Variants in ITPKC observed in about 807,000 individuals in gnomAD.
ITPKC encodes IP3 3-kinase C.
ITPKC carries 33 observed loss-of-function variants against 67.1 expected under a neutral mutation model. The observed-to-expected ratio is 0.49, with a 90% CI of 0.37 to 0.66. The LOEUF (loss-of-function observed/expected upper bound fraction) is 0.66. Ranked by LOEUF, ITPKC falls within the 30% of genes least tolerant of loss-of-function variation. The pLI, the probability that ITPKC is intolerant of heterozygous loss-of-function variation, is 0.00. For missense variants in ITPKC, 820 were observed against 892.1 expected, an observed-to-expected ratio of 0.92 and a Z score of 1.03; for synonymous variants, 341 against 359.8, an observed-to-expected ratio of 0.95 and a Z score of 0.59.
At position 40,717,150 on chromosome 19, in the gene ITPKC, G is replaced by C; in HGVS notation, c.15G>C (p.Pro5=). MRRC[P]CRGSLNEAEA... ...AAGGAGCGGGCATGAGGCGCTGCCC[G>C]TGCCGTGGGAGCCTGAACGAGGCGG... The change falls in exon 1 of 7, where the codon CCG becomes CCC. Residue 5 remains proline (P), a synonymous_variant. Transcript: ENST00000263370. The C allele has an allele frequency of 8.2e-7, 1 of 1,226,970 alleles. No homozygotes were observed. The allele number at this position is 1,226,970 out of a possible 1,614,324, so 76.0% of individuals were successfully genotyped here. A position where few individuals can be genotyped will look rare whatever the true frequency, so the allele number is the denominator to read the frequency against.
At position 40,717,788 on chromosome 19, in the gene ITPKC, G is replaced by T; in HGVS notation, c.653G>T (p.Ser218Ile). ...GGAGCCTGTCCCTCAAAAGAGCCAA[G>T]TGCTGATGGCTCCTGGAAAGAATTG... is the stretch of plus-strand genomic sequence containing the variant. ...PEGACPSKEP[S>I]ADGSWKELYT... is the part of the protein sequence containing the mutation. The change falls in exon 1 of 7, where the codon AGT (serine) becomes ATT (isoleucine). Residue 218 changes from serine to isoleucine, a missense_variant. By Grantham distance (142) the Ser-to-Ile change is moderately radical (BLOSUM62 -2). Transcript: ENST00000263370. 6.2e-7 allele frequency: 1 copy of T among 1,614,040 alleles called. No homozygotes were observed. Among genetic ancestry groups the T allele is most frequent in the Middle Eastern group, 1.6e-4 (1 of 6,062 alleles).
rs1353833048 is a variant in ITPKC at position 40,735,298 on chromosome 19, CT to C, written c.1675-1687del. 2.0e-5 allele frequency among the ~76,000 whole-genome samples: 3 copies of C among 152,058 alleles called. No individual in the cohort carries two copies. The East Asian group carries it at 5.8e-4, about 29-fold the overall frequency. On this transcript the variant is annotated intron_variant, in intron 4 of 6. Coordinates refer to ENST00000263370, the MANE Select transcript of ITPKC (RefSeq NM_025194.3). ...TTACTTGAAATAGGCTTGCTTTTTC[CT>C]GCCACAAGGCCTCTGCACCCCTCTG... is the stretch of plus-strand genomic sequence containing the variant.
At chr19:40,722,343 C>A (rs987476645) in intron 1 of ITPKC, among the ~76,000 whole-genome samples, 1 of 152,082 alleles carries the variant, frequency 6.6e-6, no homozygotes, top group Non-Finnish European at 1.5e-5. Flanking sequence ...GGTTGTGGCA[C>A]ACTGAGTCTT....
In ITPKC at chr19:40,740,727, A is replaced by C. The variant is rs1008753415; in HGVS notation, c.*1167A>C. ...GGCTGAGGAGATGCTCTCCTTTTCT[A>C]CTGACCATCTTGATACTTATTTATA... On this transcript the variant is annotated 3_prime_UTR_variant, in exon 7 of 7. Transcript: ENST00000263370. The C allele has an allele frequency of 1.9e-4, 70 of 372,390 alleles. No individual in the cohort carries two copies. The highest frequency in any genetic ancestry group is 1.3e-3 in the African/African-American group (62 of 47,960). The allele number at this position is 372,390 out of a possible 1,614,324, so 23.1% of individuals were successfully genotyped here.
At position 40,732,521 on chromosome 19, in the gene ITPKC, CAAAAAAAAAAAAA is replaced by C. The variant is rs33945584; in HGVS notation, c.1470-625_1470-613del. On this transcript the variant is annotated intron_variant, in intron 3 of 6. Coordinates refer to ENST00000263370, the MANE Select transcript of ITPKC (RefSeq NM_025194.3). ...ATTGCACTCTAGCTCGGGCGGGCGT[CAAAAAAAAAAAAA>C]AAAAAAAAAAAAAGATTGTAACAAG... Among the ~76,000 whole-genome samples, 15 of 77,590 alleles carry C rather than the reference CAAAAAAAAAAAAA, an allele frequency of 1.9e-4. 1 individual carries two copies. Among genetic ancestry groups the C allele is most frequent in the Admixed American group, 7.0e-4 (4 of 5,722 alleles). The allele number at this position is 77,590 out of a possible 152,430, so 50.9% of individuals were successfully genotyped here. A position where few individuals can be genotyped will look rare whatever the true frequency, so the allele number is the denominator to read the frequency against.
chr19:40,732,521 C>CAAAAAA (rs33945584), intron 3 of ITPKC, among the ~76,000 whole-genome samples: 1 of 77,592 alleles, frequency 1.3e-5, no homozygotes, highest in Non-Finnish European at 2.5e-5. Context: ...GGGCGGGCGT[C>CAAAAAA]AAAAAAAAAA....
At chr19:40,735,119 A>G (rs557290659) in intron 4 of ITPKC, among the ~76,000 whole-genome samples, 8 of 151,952 alleles carry the variant, frequency 5.3e-5, no homozygotes, top group Non-Finnish European at 7.4e-5. Flanking sequence ...GGGTTTCACT[A>G]TGTTGACCAG....
At chr19:40,737,853 CAA>C (rs1341722956) in intron 6 of ITPKC, 84 bp downstream of exon 6, 1 of 1,186,356 alleles carries the variant, frequency 8.4e-7, no homozygotes, top group African/African-American at 1.5e-5. Flanking sequence ...AGTTACAGGT[CAA>C]AGATATAAAA....
At chr19:40,724,339 A>G (rs1020729932) in intron 1 of ITPKC, among the ~76,000 whole-genome samples, 1 of 152,206 alleles carries the variant, frequency 6.6e-6, no homozygotes, top group Non-Finnish European at 1.5e-5. Flanking sequence ...GCAGTGAGCT[A>G]TGATGGTGCC....
chr19:40,733,043 G>C (rs548262183), intron 3 of ITPKC, 117 bp from the exon 4 acceptor site: 1 of 778,734 alleles, frequency 1.3e-6, no homozygotes, highest in Admixed American at 2.2e-5. Context: ...GTTGTATTCT[G>C]TGCATTGATT....
rs1486758846 is a variant in ITPKC, at chr19:40,740,788, GC to G, written c.*1229del. ...TTGCTGGACGGGGTAGTACTGGGAA[GC>G]AGGAGGCAGAATGGCTCTGCTGAGC... On this transcript the variant is annotated 3_prime_UTR_variant, in exon 7 of 7. Transcript: ENST00000263370. 2.5e-6 allele frequency: 1 copy of G among 394,372 alleles called. No homozygotes were observed. The highest frequency in any genetic ancestry group is 4.5e-6 in the Non-Finnish European group (1 of 223,854). The allele number at this position is 394,372 out of a possible 1,614,324, so 24.4% of individuals were successfully genotyped here.
rs775159622 is a variant in ITPKC, at chr19:40,718,184, T to C, written c.1049T>C (p.Val350Ala). The change falls in exon 1 of 7, where the codon GTT becomes GCT. Residue 350 changes from valine (V) to alanine (A), a missense_variant. Val to Ala is a moderately conservative substitution (Grantham distance 64). Transcript: ENST00000263370. ...EAQPVGPPSRVEGGSGGFSSA... is the reference protein window; with the variant it reads ...EAQPVGPPSRAEGGSGGFSSA... ...CAGCCAGTGGGACCCCCCTCCCGGG[T>C]TGAGGGGGGCAGCGGCGGCTTCTCC... 1.8e-5 allele frequency: 29 copies of C among 1,583,964 alleles called. 1 individual carries two copies. In the East Asian group the frequency reaches 6.3e-4, roughly 34 times the overall value.
At chr19:40,722,544 C>T (rs1341224454) in intron 1 of ITPKC, among the ~76,000 whole-genome samples, 1 of 152,034 alleles carries the variant, frequency 6.6e-6, no homozygotes, top group Admixed American at 6.6e-5. Flanking sequence ...GAGATGAACA[C>T]GTCCCTGATC....
chr19:40,728,745 G>A (rs1419943806), intron 2 of ITPKC, among the ~76,000 whole-genome samples: 3 of 152,118 alleles, frequency 2.0e-5, no homozygotes, highest in Non-Finnish European at 4.4e-5. Flanking sequence ...TAAGAGTTGC[G>A]GCCTGGGCAC....
chr19:40,717,725 C>T lies in ITPKC; in HGVS notation c.590C>T (p.Thr197Ile), dbSNP rs373831391. ...AAGTCCTGGGCTGATAACCTCTGGA[C>T]CCACCAGAACAGTTCCAGCCTCCAG... ...RVKSWADNLWTHQNSSSLQTH... is the reference protein window; with the variant it reads ...RVKSWADNLWIHQNSSSLQTH... The change falls in exon 1 of 7, where the codon ACC (threonine) becomes ATC (isoleucine). Residue 197 changes from threonine to isoleucine, a missense_variant. By Grantham distance (89) the Thr-to-Ile change is moderately conservative (BLOSUM62 -1). Transcript: ENST00000263370. 204 of 1,613,862 alleles carry T rather than the reference C, an allele frequency of 1.3e-4. 1 individual carries two copies. Among genetic ancestry groups the T allele is most frequent in the South Asian group, 9.4e-4 (86 of 91,056 alleles).
At chr19:40,718,809 C>T (rs2082206888) in intron 1 of ITPKC, among the ~76,000 whole-genome samples, 1 of 152,134 alleles carries the variant, frequency 6.6e-6, no homozygotes, top group South Asian at 2.1e-4. Flanking sequence ...AAAGCGATTC[C>T]CCCAGCTTGC....
At position 40,717,156 on chromosome 19, in the gene ITPKC, T is replaced by G. The variant is rs1326462254; in HGVS notation, c.21T>G (p.Arg7=). 8.2e-7 allele frequency: 1 copy of G among 1,226,542 alleles called. No homozygotes were observed. Among genetic ancestry groups the G allele is most frequent in the Non-Finnish European group, 1.0e-6 (1 of 984,840 alleles). The allele number at this position is 1,226,542 out of a possible 1,614,324, so 76.0% of individuals were successfully genotyped here. A position where few individuals can be genotyped will look rare whatever the true frequency, so the allele number is the denominator to read the frequency against. The change falls in exon 1 of 7, where the codon CGT becomes CGG. Residue 7 remains arginine (R), a synonymous_variant. Coordinates refer to ENST00000263370, the MANE Select transcript of ITPKC (RefSeq NM_025194.3). Reference sequence around the variant, plus strand: ...CGGGCATGAGGCGCTGCCCGTGCCGTGGGAGCCTGAACGAGGCGGAGGCCG... The same window carrying G: ...CGGGCATGAGGCGCTGCCCGTGCCGGGGGAGCCTGAACGAGGCGGAGGCCG... The part of the protein sequence containing the change: MRRCPC[R]GSLNEAEAGA...
chr19:40,739,407 G>A lies in ITPKC; in HGVS notation c.1899G>A (p.Lys633=). The change falls in exon 7 of 7, where the codon AAG becomes AAA. Residue 633 remains lysine, a synonymous_variant. Transcript: ENST00000263370. Reference sequence around the variant, plus strand: ...TGCACGACCACACCGGCCTGGCCAAGGTCTGGATGATAGACTTCGGCAAGA... The same window carrying A: ...TGCACGACCACACCGGCCTGGCCAAAGTCTGGATGATAGACTTCGGCAAGA... ...LFVHDHTGLA[K]VWMIDFGKTV... is the part of the protein sequence containing the mutation. 6.2e-7 allele frequency: 1 copy of A among 1,613,754 alleles called. No individual in the cohort carries two copies. The highest frequency in any genetic ancestry group is 8.5e-7 in the Non-Finnish European group (1 of 1,180,030).
chr19:40,738,114 C>T (rs536559633), intron 6 of ITPKC, among the ~76,000 whole-genome samples: 4 of 149,180 alleles, frequency 2.7e-5, no homozygotes, highest in Admixed American at 1.3e-4. Context: ...GCCAACATGG[C>T]GAAACCCCGT....
Sources: allele counts gnomAD v4.1 joint callset (sites outside exome capture counted in the v4.1 genomes callset), GRCh38; gene constraint gnomAD v4.1.1; transcripts MANE v1.5; gene names NCBI Gene and HGNC (gene_info 2026-07-23, HGNC 2026-07-21).